The following MLPH variants were observed in gnomAD, a reference collection of about 807,000 sequenced individuals.
The protein encoded by MLPH is melanophilin, also known as exophilin-3.
Under a neutral mutation model 72.1 loss-of-function variants are expected in MLPH, and 51 were observed. The ratio of observed to expected loss-of-function variants is 0.71; its 90% CI spans 0.56 to 0.89. The LOEUF (loss-of-function observed/expected upper bound fraction) is 0.89, where lower values mean the gene tolerates loss of function less well. MLPH is among the 40% of genes least tolerant of loss of function. The pLI is 0.00. For synonymous variants in MLPH, 301 were observed against 310.1 expected, an observed-to-expected ratio of 0.97 and a Z score of 0.31; for missense variants, 743 against 759.9, an observed-to-expected ratio of 0.98 and a Z score of 0.26.
At chr2:237,528,372 A>G (rs924404476) in intron 8 of MLPH, among the ~76,000 whole-genome samples, 2 of 150,790 alleles carry the variant, frequency 1.3e-5, no homozygotes, top group African/African-American at 4.9e-5. Flanking sequence ...TTTTTTTGAG[A>G]TGGAGTCTCC....
chr2:237,499,044 C>G (rs960914169), intron 2 of MLPH, among the ~76,000 whole-genome samples: 1 of 151,766 alleles, frequency 6.6e-6, no homozygotes, highest in African/African-American at 2.4e-5. Flanking sequence ...CCCGCTGGCC[C>G]ATTATTGGAA....
intron 2 of MLPH, among the ~76,000 whole-genome samples, chr2:237,496,502 C>T (rs981591612): frequency 1.5e-4 from 23 of 152,096 alleles, no homozygotes; most frequent in African/African-American, 4.8e-4. Context: ...GGTCACCTCC[C>T]AGAACTCTTA....
intron 8 of MLPH, among the ~76,000 whole-genome samples, chr2:237,531,551 C>T (rs968288545): frequency 1.3e-5 from 2 of 152,164 alleles, no homozygotes; most frequent in African/African-American, 4.8e-5. Flanking sequence ...GCGTGGTTTC[C>T]AGCCCCACTG....
At chr2:237,542,452 CA>C in intron 11 of MLPH, 114 bp from the exon 12 acceptor site, 1 of 814,402 alleles carries the variant, frequency 1.2e-6, no homozygotes, top group South Asian at 1.5e-5. Context: ...AGGGAAAACA[CA>C]AGTAAAATTG....
intron 7 of MLPH, 80 bp from the exon 8 acceptor site, chr2:237,527,296 AT>A: frequency 6.4e-7 from 1 of 1,574,588 alleles, no homozygotes. Context: ...TTTGAGCCTC[AT>A]TTTTCTTCAT....
At chr2:237,504,656 G>A (rs1467641555) in intron 2 of MLPH, among the ~76,000 whole-genome samples, 5 of 152,208 alleles carry the variant, frequency 3.3e-5, no homozygotes, top group Non-Finnish European at 5.9e-5. Context: ...GGAGGCCGCC[G>A]GTTCTGTCCA....
intron 9 of MLPH, among the ~76,000 whole-genome samples, chr2:237,538,740 T>C (rs1196902478): frequency 6.6e-6 from 1 of 152,112 alleles, no homozygotes; most frequent in African/African-American, 2.4e-5. Flanking sequence ...CAGCTGGAAA[T>C]AAGTCCCAGA....
At chr2:237,533,246 CA>C (rs971781860) in intron 8 of MLPH, among the ~76,000 whole-genome samples, 6 of 152,152 alleles carry the variant, frequency 3.9e-5, no homozygotes, top group African/African-American at 1.4e-4. Context: ...GTTTCCATTT[CA>C]AAAACACAGT....
intron 14 of MLPH, among the ~76,000 whole-genome samples, chr2:237,550,090 C>G (rs2081001836): frequency 6.6e-6 from 1 of 152,224 alleles, no homozygotes; most frequent in African/African-American, 2.4e-5. Flanking sequence ...GTGCGTAGGA[C>G]AACGCACAGC....
rs746373731 is a variant in MLPH at position 237,540,519 on chromosome 2, C to T, written c.1276C>T (p.Gln426Ter). Reference sequence around the variant, plus strand: ...GGACAAATCAGTTGGGCCTCTCCCCCAGGCGGACCCGGAGGTAAGACTATC... The same window carrying T: ...GGACAAATCAGTTGGGCCTCTCCCCTAGGCGGACCCGGAGGTAAGACTATC... ...NRDKSVGPLP[Q>*]ADPEVGTAAH... The change falls in exon 10 of 16, where the codon CAG (glutamine) becomes TAG (stop). Residue 426 changes from glutamine (Q) to a stop codon, truncating the protein, a stop_gained. Transcript: ENST00000264605. LOFTEE classifies it high-confidence loss of function. 6.2e-6 allele frequency: 10 copies of T among 1,611,482 alleles called. No homozygotes were observed. Among genetic ancestry groups the T allele is most frequent in the South Asian group, 4.4e-5 (4 of 90,908 alleles).
At chr2:237,521,460 C>G (rs188114847) in intron 6 of MLPH, among the ~76,000 whole-genome samples, 1 of 152,212 alleles carries the variant, frequency 6.6e-6, no homozygotes, top group Non-Finnish European at 1.5e-5. Context: ...GGATGATGGA[C>G]CCTGAACCTA....
In MLPH at chr2:237,540,435, G is replaced by A; in HGVS notation, c.1192G>A (p.Asp398Asn). ...GGAGGAGCTGACCAGCAACGTCAGT[G>A]ACCAGGAGACCTCGTCCGAGGAGGA... ...KLEELTSNVS[D>N]QETSSEEEEA... The change falls in exon 10 of 16, where the codon GAC becomes AAC. Residue 398 changes from aspartate to asparagine, a missense_variant. By Grantham distance (23) the Asp-to-Asn change is conservative (BLOSUM62 1). Transcript: ENST00000264605. The A allele has an allele frequency of 6.2e-7, 1 of 1,612,868 alleles. No individual in the cohort carries two copies. Among genetic ancestry groups the A allele is most frequent in the African/African-American group, 1.3e-5 (1 of 74,988 alleles).
At chr2:237,513,364 A>AC (rs934812178) in intron 4 of MLPH, among the ~76,000 whole-genome samples, 2 of 151,010 alleles carry the variant, frequency 1.3e-5, no homozygotes, top group Non-Finnish European at 3.0e-5. Flanking sequence ...CAGTCCCCCT[A>AC]CCCCCGTGCC....
chr2:237,520,184 G>A (rs947691350), intron 6 of MLPH, among the ~76,000 whole-genome samples, 155 bp downstream of exon 6: 7 of 152,190 alleles, frequency 4.6e-5, no homozygotes, highest in Admixed American at 6.5e-5. Context: ...GGACCGATGT[G>A]GGAAGACAGG....
At chr2:237,549,380 A>G in intron 14 of MLPH, 102 bp downstream of exon 14, 1 of 1,126,204 alleles carries the variant, frequency 8.9e-7, no homozygotes, top group Non-Finnish European at 1.4e-6. Context: ...TATCTGTGGG[A>G]CATATCTCAT....
intron 9 of MLPH, 31 bp downstream of exon 9, chr2:237,534,678 G>A (rs370805675): frequency 4.5e-6 from 7 of 1,541,636 alleles, no homozygotes; most frequent in African/African-American, 4.1e-5. Flanking sequence ...AAGAGAAAGG[G>A]CCCCCACAGC....
chr2:237,547,704 C>T (rs1390394198), intron 13 of MLPH, among the ~76,000 whole-genome samples: 2 of 112,050 alleles, frequency 1.8e-5, no homozygotes, highest in African/African-American at 7.3e-5. Context: ...GAGGAGCTCC[C>T]CGTGTTTAGG....
At chr2:237,542,744 G>A (rs1184249460) in intron 12 of MLPH, 85 bp downstream of exon 12, 39 of 792,316 alleles carry the variant, frequency 4.9e-5, no homozygotes, top group African/African-American at 2.2e-4. Context: ...GGGGGACAGT[G>A]GTGAGTGGAG....
chr2:237,531,661 G>A (rs182767851), intron 8 of MLPH, among the ~76,000 whole-genome samples: 9 of 152,112 alleles, frequency 5.9e-5, no homozygotes, highest in Admixed American at 4.6e-4. Context: ...CTATTAACTT[G>A]TATTTACTTT....
Sources: allele counts gnomAD v4.1 joint callset (sites outside exome capture counted in the v4.1 genomes callset), GRCh38; gene constraint gnomAD v4.1.1; transcripts MANE v1.5; gene names NCBI Gene and HGNC (gene_info 2026-07-23, HGNC 2026-07-21).